The following STPG2 variants were observed in gnomAD, a reference collection of about 807,000 sequenced individuals.
STPG2 encodes sperm-tail PG-rich repeat-containing protein 2.
A neutral mutation model predicts 54.2 loss-of-function variants in STPG2; 56 were observed. The ratio of observed to expected loss-of-function variants is 1.03; its 90% CI spans 0.83 to 1.29. The LOEUF is 1.29. STPG2 is among the 50% of genes most tolerant of loss of function. The pLI is 0.00. For missense variants in STPG2, 596 were observed against 544.9 expected, an observed-to-expected ratio of 1.09 and a Z score of -0.93; for synonymous variants, 200 against 181.8, an observed-to-expected ratio of 1.10 and a Z score of -0.81.
chr4:97,930,706 T>C (rs1188096370), intron 8 of STPG2, among the ~76,000 whole-genome samples: 1 of 152,212 alleles, frequency 6.6e-6, no homozygotes, highest in Admixed American at 6.5e-5. Context: ...TTTTTCTAGT[T>C]CAGTGAAGAA....
At chr4:98,011,323 G>A (rs783934) in intron 5 of STPG2, among the ~76,000 whole-genome samples, 69,287 of 151,960 alleles carry the variant, frequency 0.46, 16,131 homozygotes, top group Admixed American at 0.56. Flanking sequence ...GTATTCCATG[G>A]TGTATATGTG....
intron 8 of STPG2, among the ~76,000 whole-genome samples, chr4:97,884,495 T>C (rs544385339): frequency 3.9e-5 from 6 of 152,268 alleles, no homozygotes; most frequent in South Asian, 2.1e-4. Context: ...AAGATGACCA[T>C]TGAAAGCCAA....
intron 5 of STPG2, among the ~76,000 whole-genome samples, chr4:98,061,559 G>A (rs1368305109): frequency 2.6e-5 from 4 of 151,860 alleles, no homozygotes; most frequent in Admixed American, 6.6e-5. Context: ...TTATATTTGG[G>A]TGGGTACTCA....
intron 10 of STPG2, among the ~76,000 whole-genome samples, chr4:97,623,797 C>T (rs971166229): frequency 1.1e-4 from 16 of 152,216 alleles, no homozygotes; most frequent in African/African-American, 3.9e-4. Context: ...CCCCGACACC[C>T]CCACTGACAG....
chr4:97,501,237 G>A (rs1025216981), intron 4 of STPG2, among the ~76,000 whole-genome samples: 1 of 151,940 alleles, frequency 6.6e-6, no homozygotes, highest in Non-Finnish European at 1.5e-5. Flanking sequence ...CTTAAAAGGT[G>A]GAAAATGTGT....
chr4:98,101,877 C>G (rs950786681), intron 5 of STPG2, among the ~76,000 whole-genome samples: 4 of 150,898 alleles, frequency 2.7e-5, no homozygotes, highest in African/African-American at 9.8e-5. Context: ...CCCCTCCCCC[C>G]CGACCTTAGC....
chr4:97,878,111 A>C (rs556375889), intron 8 of STPG2, among the ~76,000 whole-genome samples: 73 of 152,318 alleles, frequency 4.8e-4, no homozygotes, highest in Admixed American at 4.7e-3. Flanking sequence ...ACACTGATGC[A>C]AGAGGTGGGT....
chr4:97,910,658 T>C (rs1470074417), intron 8 of STPG2, among the ~76,000 whole-genome samples: 2 of 152,036 alleles, frequency 1.3e-5, no homozygotes, highest in Non-Finnish European at 2.9e-5. Context: ...TGAAAATGTA[T>C]AGAACGCATT....
chr4:97,453,982 G>T (rs1729446108), intron 4 of STPG2, among the ~76,000 whole-genome samples: 1 of 152,098 alleles, frequency 6.6e-6, no homozygotes, highest in Non-Finnish European at 1.5e-5. Flanking sequence ...ATTCCTTGCA[G>T]CCATTCTCCC....
Position 97,659,701 on chromosome 4 carries a change from T to C in STPG2, c.1320+52998A>G, listed in dbSNP as rs142143279. Among the ~76,000 whole-genome samples, 627 of 152,346 alleles carry C rather than the reference T, an allele frequency of 4.1e-3. 3 individuals carry two copies. Among genetic ancestry groups the C allele is most frequent in the South Asian group, 0.02 (96 of 4,824 alleles). ...CAGTTCAGTGATATAATAATGACTA[T>C]TTTGGGCTTCTGAACAGTTTGCCTG... On this transcript the variant is annotated intron_variant, in intron 10 of 10. Transcript: ENST00000295268.
At chr4:97,943,162 G>C (rs1299159797) in intron 8 of STPG2, among the ~76,000 whole-genome samples, 1 of 152,176 alleles carries the variant, frequency 6.6e-6, no homozygotes, top group South Asian at 2.1e-4. Flanking sequence ...TATTTTATAA[G>C]AGTACTAATC....
chr4:98,011,979 C>T (rs2114426), intron 5 of STPG2, among the ~76,000 whole-genome samples: 59,969 of 150,978 alleles, frequency 0.4, 12,059 homozygotes, highest in Middle Eastern at 0.46. Flanking sequence ...CCCATTTGTC[C>T]GGCTTTTGTT....
At chr4:97,765,056 G>C (rs954963355) in intron 9 of STPG2, among the ~76,000 whole-genome samples, 1 of 152,018 alleles carries the variant, frequency 6.6e-6, no homozygotes, top group Admixed American at 6.6e-5. Flanking sequence ...TTAGCATGGA[G>C]GATGTAGCTA....
intron 5 of STPG2, among the ~76,000 whole-genome samples, chr4:98,070,797 C>T (rs1161049984): frequency 6.6e-6 from 1 of 151,966 alleles, no homozygotes; most frequent in Non-Finnish European, 1.5e-5. Context: ...CCTAGGAATA[C>T]AGCTAAGAGA....
Position 97,634,433 on chromosome 4 carries a change from C to T in STPG2, c.1321-75316G>A, listed in dbSNP as rs907558569. On this transcript the variant is annotated intron_variant, in intron 10 of 10. Coordinates refer to ENST00000295268, the MANE Select transcript of STPG2 (RefSeq NM_174952.3). ...AACTGGAAACTAAAAATCAGAGCTCCTCTCCTCCTCCAAAGGAAGGCAGCT... is the reference window on the plus strand; with the variant it reads ...AACTGGAAACTAAAAATCAGAGCTCTTCTCCTCCTCCAAAGGAAGGCAGCT... 4.7e-4 allele frequency among the ~76,000 whole-genome samples: 72 copies of T among 152,324 alleles called. 1 individual carries two copies. Among genetic ancestry groups the T allele is most frequent in the Non-Finnish European group, 9.3e-4 (63 of 68,032 alleles).
chr4:97,781,488 A>T (rs1425088610), intron 9 of STPG2, among the ~76,000 whole-genome samples: 1 of 152,220 alleles, frequency 6.6e-6, no homozygotes, highest in Non-Finnish European at 1.5e-5. Context: ...TCACAGCCGA[A>T]TTCTACCAGA....
intron 4 of STPG2, among the ~76,000 whole-genome samples, chr4:97,526,099 A>T (rs1731274675): frequency 6.6e-6 from 1 of 152,120 alleles, no homozygotes; most frequent in South Asian, 2.1e-4. Flanking sequence ...GCTTAGCAGT[A>T]AGATTAGTTT....
intron 4 of STPG2, among the ~76,000 whole-genome samples, chr4:97,481,644 C>T (rs985005527): frequency 1.3e-5 from 2 of 151,494 alleles, no homozygotes; most frequent in Non-Finnish European, 3.0e-5. Context: ...CAAATTTCAA[C>T]ATTTCTTGAT....
At chr4:98,024,661 A>T (rs1736355813) in intron 5 of STPG2, among the ~76,000 whole-genome samples, 1 of 152,216 alleles carries the variant, frequency 6.6e-6, no homozygotes, top group African/African-American at 2.4e-5. Context: ...TATTTGACAT[A>T]TTTGTAAATG....
Sources: allele counts gnomAD v4.1 joint callset (sites outside exome capture counted in the v4.1 genomes callset), GRCh38; gene constraint gnomAD v4.1.1; transcripts MANE v1.5; gene names NCBI Gene and HGNC (gene_info 2026-07-23, HGNC 2026-07-21).